The following TEX14 variants were observed in gnomAD, a reference collection of about 807,000 sequenced individuals.
TEX14 encodes testis expressed 14, intercellular bridge forming factor.
In TEX14, 168 loss-of-function variants were observed where a neutral mutation model predicts 178.6. The observed-to-expected ratio is 0.94, with a 90% CI of 0.83 to 1.07. The LOEUF (loss-of-function observed/expected upper bound fraction) is 1.07. Among genes scored for constraint, TEX14 ranks in the 50% least tolerant of loss-of-function variants. The pLI is 0.00. For missense variants in TEX14, 1,730 were observed against 1,753.6 expected (o/e 0.99, Z 0.24); for synonymous variants, 626 against 634.1 (o/e 0.99, Z 0.19).
rs1334198205 is a variant in TEX14 at position 58,559,469 on chromosome 17, T to C, written c.4251A>G (p.Leu1417=). 1.3e-6 allele frequency: 2 copies of C among 1,483,414 alleles called. No homozygotes were observed. The highest frequency in any genetic ancestry group is 4.5e-5 in the East Asian group (2 of 44,062). The allele number at this position is 1,483,414 out of a possible 1,614,324, so 91.9% of individuals were successfully genotyped here. Residue 1417 remains leucine (L), a synonymous_variant, in exon 30 of 32, where the codon CTA becomes CTG. Coordinates refer to ENST00000349033, the MANE Select transcript of TEX14 (RefSeq NM_031272.5). The part of the protein sequence containing the change: ...TPERRKSEGV[L]GTSEEDELKS... ...AATTCATACCTTCTTCAGAAGTCCC[T>C]AGAACACCCTCTGATTTCCTTCTTT...
chr17:58,627,853 A>G (rs912861690), intron 3 of TEX14, among the ~76,000 whole-genome samples: 1 of 150,822 alleles, frequency 6.6e-6, no homozygotes, highest in African/African-American at 2.4e-5. Flanking sequence ...GACTGTCCCA[A>G]TATGGCCTCC....
chr17:58,570,357 T>A, intron 25 of TEX14, 28 bp downstream of exon 25: 1 of 1,428,092 alleles, frequency 7.0e-7, no homozygotes, highest in Non-Finnish European at 9.3e-7. Flanking sequence ...GATTATAAAC[T>A]TCTATTTTGA....
At chr17:58,630,610 C>T (rs1160774611) in intron 2 of TEX14, 56 bp from the exon 3 acceptor site, 10 of 1,212,972 alleles carry the variant, frequency 8.2e-6, no homozygotes, top group Non-Finnish European at 2.4e-6. Flanking sequence ...TGAGAAGGAA[C>T]TGGGTAGGGG....
intron 2 of TEX14, among the ~76,000 whole-genome samples, chr17:58,634,798 A>C (rs2046396906): frequency 6.6e-6 from 1 of 152,170 alleles, no homozygotes; most frequent in Non-Finnish European, 1.5e-5. Flanking sequence ...ATCTACATTC[A>C]CAGCAAAGTG....
intron 2 of TEX14, among the ~76,000 whole-genome samples, chr17:58,637,263 T>C (rs1322282233): frequency 1.3e-5 from 2 of 152,050 alleles, no homozygotes; most frequent in Non-Finnish European, 2.9e-5. Flanking sequence ...AAGAAATATA[T>C]ATTTGGTCTT....
chr17:58,620,185 AG>A (rs1415037872), intron 5 of TEX14, among the ~76,000 whole-genome samples: 1 of 152,208 alleles, frequency 6.6e-6, no homozygotes, highest in Non-Finnish European at 1.5e-5. Flanking sequence ...GGGCAGAGGC[AG>A]GAGATGAAGG....
chr17:58,627,930 T>G (rs1240302624), intron 3 of TEX14, among the ~76,000 whole-genome samples: 1 of 144,106 alleles, frequency 6.9e-6, no homozygotes, highest in Non-Finnish European at 1.5e-5. Flanking sequence ...TTTTTTTTTT[T>G]TTTTTTTGGG....
intron 2 of TEX14, among the ~76,000 whole-genome samples, chr17:58,648,866 T>C (rs1240635971): frequency 1.4e-5 from 2 of 144,512 alleles, no homozygotes; most frequent in East Asian, 4.3e-4. Context: ...CTCGGATCAC[T>C]GCAAGCTCCG....
At chr17:58,654,491 A>C (rs991223935) in intron 1 of TEX14, among the ~76,000 whole-genome samples, 2 of 149,484 alleles carry the variant, frequency 1.3e-5, no homozygotes, top group Admixed American at 6.7e-5. Flanking sequence ...TGGAAAAAAA[A>C]AAACAACTTG....
At chr17:58,557,636 GTT>G (rs1217530937) in intron 31 of TEX14, among the ~76,000 whole-genome samples, 161 bp downstream of exon 31, 7 of 152,092 alleles carry the variant, frequency 4.6e-5, no homozygotes, top group African/African-American at 1.7e-4. Context: ...TCACTTTATA[GTT>G]TAATTAACTA....
chr17:58,666,458 C>CAAAAAAAAAA lies in TEX14; in HGVS notation c.-1-14466_-1-14457dup, dbSNP rs141683264. On this transcript the variant is annotated intron_variant, in intron 1 of 31. Coordinates refer to ENST00000349033, the MANE Select transcript of TEX14 (RefSeq NM_031272.5). ...ACAAAGTGAAACAAACCTTCCACGG[C>CAAAAAAAAAA]AAAAAAAAAAAAAAAAAAAAAAAAA... The CAAAAAAAAAA allele has an allele frequency of 4.9e-4, 18 of 36,834 alleles. 3 individuals carry two copies. The highest frequency in any genetic ancestry group is 1.0e-3 in the African/African-American group (10 of 9,534). The allele number at this position is 36,834 out of a possible 1,614,324, so 2.3% of individuals were successfully genotyped here.
intron 18 of TEX14, among the ~76,000 whole-genome samples, chr17:58,585,224 TTTGA>T (rs1567719386): frequency 6.6e-6 from 1 of 152,136 alleles, no homozygotes; most frequent in Non-Finnish European, 1.5e-5. Flanking sequence ...AGGGTCAGTA[TTTGA>T]TTATTTTACT....
intron 2 of TEX14, among the ~76,000 whole-genome samples, chr17:58,647,487 G>A (rs186012978): frequency 1.5e-4 from 22 of 151,220 alleles, no homozygotes; most frequent in African/African-American, 4.8e-4. Flanking sequence ...AGCTGAGATC[G>A]CGTCACTGCA....
chr17:58,604,117 T>A (rs527569650), intron 11 of TEX14, among the ~76,000 whole-genome samples: 1 of 151,896 alleles, frequency 6.6e-6, no homozygotes, highest in East Asian at 2.0e-4. Context: ...TCCCCCTAAT[T>A]TACAAGTTCT....
rs114378773 is a variant in TEX14 at position 58,565,808 on chromosome 17, C to A, written c.3903G>T (p.Gln1301His). The change falls in exon 27 of 32, where the codon CAG becomes CAT. Residue 1301 changes from glutamine to histidine, a missense_variant. Gln to His is a conservative substitution (Grantham distance 24). Coordinates refer to ENST00000349033, the MANE Select transcript of TEX14 (RefSeq NM_031272.5). ...CATGCAACACCGTGGATGAGCCCTG[C>A]TGCTGTTTCAAGAGCTCTGTCACAA... Reference protein sequence around the residue: ...LLDDIELLKQQQGSSTVLHEN... With the variant: ...LLDDIELLKQHQGSSTVLHEN... 125 of 1,607,394 alleles carry A rather than the reference C, an allele frequency of 7.8e-5. 1 individual carries two copies. In the East Asian group the frequency reaches 2.6e-3, roughly 34 times the overall value.
chr17:58,621,606 C>G, intron 5 of TEX14, 44 bp downstream of exon 5: 4 of 1,560,166 alleles, frequency 2.6e-6, no homozygotes, highest in Non-Finnish European at 3.5e-6. Flanking sequence ...ACGAGGAAGG[C>G]TGGGTGATGG....
At chr17:58,628,439 G>A (rs1419326703) in intron 3 of TEX14, among the ~76,000 whole-genome samples, 1 of 151,560 alleles carries the variant, frequency 6.6e-6, no homozygotes, top group Non-Finnish European at 1.5e-5. Flanking sequence ...TAGGCCGGGC[G>A]CAGTGGCTCA....
chr17:58,669,733 CAAAAAAAAA>C (rs71367615), intron 1 of TEX14, among the ~76,000 whole-genome samples: 1 of 56,300 alleles, frequency 1.8e-5, no homozygotes, highest in Non-Finnish European at 3.5e-5. Flanking sequence ...GACTCCGTCT[CAAAAAAAAA>C]AAAAAAAAAA....
chr17:58,648,842 T>C (rs1160865403), intron 2 of TEX14, among the ~76,000 whole-genome samples: 2 of 140,050 alleles, frequency 1.4e-5, no homozygotes, highest in African/African-American at 5.4e-5. Context: ...CAGGCTGGAG[T>C]GCAGTGGCGT....
Sources: gnomAD v4.1 joint callset for allele counts (sites outside exome capture counted in the v4.1 genomes callset) on GRCh38, gnomAD v4.1.1 for gene constraint, MANE v1.5 for transcripts, NCBI Gene and HGNC (gene_info 2026-07-23, HGNC 2026-07-21) for gene names.